GATB: variants seen among roughly 807,000 people sequenced by gnomAD.
GATB encodes glutamyl-tRNA amidotransferase subunit B.
Under a neutral mutation model 62.3 loss-of-function variants are expected in GATB, and 39 were observed. That is an observed-to-expected ratio of 0.63 (90% CI 0.48 to 0.82). The LOEUF (loss-of-function observed/expected upper bound fraction) is 0.82. Ranked by LOEUF, GATB falls within the 40% of genes least tolerant of loss-of-function variation. GATB has a pLI of 0.00. For missense variants in GATB, 670 were observed against 684.0 expected (o/e 0.98, Z 0.23); for synonymous variants, 276 against 258.9 (o/e 1.07, Z -0.63).
intron 9 of GATB, among the ~76,000 whole-genome samples, chr4:151,700,933 G>A (rs1738589389): frequency 6.6e-6 from 1 of 152,146 alleles, no homozygotes; most frequent in Non-Finnish European, 1.5e-5. Context: ...GCAACATCCT[G>A]CCAGCCCTGT....
At position 151,719,512 on chromosome 4, in the gene GATB, C is replaced by G. The variant is rs371026586; in HGVS notation, c.354G>C (p.Ala118=). The G allele has an allele frequency of 1.2e-6, 2 of 1,608,856 alleles. No homozygotes were observed. Among genetic ancestry groups the G allele is most frequent in the African/African-American group, 1.3e-5 (1 of 74,758 alleles). ...LPVLNRRCVE[A]AVMTGLALNC... ...TCAGAGCCAGGCCTGTCATCACCGCCGCTTCTACACACCTCCTGTTGAGAA... is the reference window on the plus strand; with the variant it reads ...TCAGAGCCAGGCCTGTCATCACCGCGGCTTCTACACACCTCCTGTTGAGAA... The change falls in exon 3 of 13, where the codon GCG becomes GCC. Residue 118 remains alanine (A), a synonymous_variant. Transcript: ENST00000263985.
At chr4:151,758,707 A>C in intron 2 of GATB, 65 bp downstream of exon 2, 1 of 1,269,838 alleles carries the variant, frequency 7.9e-7, no homozygotes, top group Non-Finnish European at 1.1e-6. Flanking sequence ...CAAGAAAATA[A>C]TTTTCCATGT....
chr4:151,757,714 T>A (rs1211512836), intron 2 of GATB, among the ~76,000 whole-genome samples: 2 of 152,126 alleles, frequency 1.3e-5, no homozygotes, highest in Non-Finnish European at 2.9e-5. Flanking sequence ...CCTGACCTTG[T>A]GATTCGCCCA....
intron 2 of GATB, chr4:151,722,214 C>T: frequency 1.4e-6 from 1 of 701,534 alleles, no homozygotes; most frequent in Non-Finnish European, 2.6e-6. Context: ...GCTGTCTTCA[C>T]TCTGAAAAAA....
intron 2 of GATB, among the ~76,000 whole-genome samples, chr4:151,736,611 A>G (rs1051259335): frequency 2.0e-5 from 3 of 152,298 alleles, no homozygotes; most frequent in African/African-American, 7.2e-5. Flanking sequence ...GCCCAACTCT[A>G]TTGGCCACTA....
rs150616955 is a variant in GATB, at chr4:151,729,959, G to A, written c.328-10421C>T. Among the ~76,000 whole-genome samples the A allele has an allele frequency of 3.7e-3, 571 of 152,310 alleles. 4 individuals carry two copies. The highest frequency in any genetic ancestry group is 7.8e-3 in the Admixed American group (120 of 15,302). ...TTTTACCTCCAGATCAGCTGCAAGA[G>A]CAGGCCAGCAATCCTGAGAAAACTG... is the stretch of plus-strand genomic sequence containing the variant. On this transcript the variant is annotated intron_variant, in intron 2 of 12. Transcript: ENST00000263985.
At chr4:151,751,631 T>C (rs1233654863) in intron 2 of GATB, among the ~76,000 whole-genome samples, 2 of 152,258 alleles carry the variant, frequency 1.3e-5, no homozygotes, top group African/African-American at 4.8e-5. Context: ...ATATCCAAGT[T>C]ATATCACAGT....
chr4:151,689,075 G>A (rs1451242476), intron 9 of GATB, among the ~76,000 whole-genome samples: 1 of 152,216 alleles, frequency 6.6e-6, no homozygotes, highest in African/African-American at 2.4e-5. Flanking sequence ...CGTGTCTGCT[G>A]TGTGTAACCT....
chr4:151,759,032 A>G (rs1739897358), intron 1 of GATB, 110 bp from the exon 2 acceptor site: 1 of 664,070 alleles, frequency 1.5e-6, no homozygotes, highest in Non-Finnish European at 2.4e-6. Flanking sequence ...TAAACTTAAT[A>G]CAATGTTATA....
chr4:151,716,135 C>A lies in GATB; in HGVS notation c.641-4G>T. The A allele has an allele frequency of 1.2e-6, 2 of 1,612,186 alleles. No homozygotes were observed. The highest frequency in any genetic ancestry group is 1.7e-6 in the Non-Finnish European group (2 of 1,179,168). ...ACCACCTCCAGAAGGCCCACTCCTA[C>A]CAAAGAGGGGCAGAGTCAGCCTCAC... is the stretch of plus-strand genomic sequence containing the variant. On this transcript the variant is annotated splice_region_variant and splice_polypyrimidine_tract_variant and intron_variant, in intron 4 of 12. Coordinates refer to ENST00000263985, the MANE Select transcript of GATB (RefSeq NM_004564.3).
chr4:151,708,168 G>T, intron 5 of GATB, 67 bp from the exon 6 acceptor site: 3 of 1,047,764 alleles, frequency 2.9e-6, no homozygotes, highest in South Asian at 1.3e-5. Context: ...TAAAGGCAGG[G>T]AGTGTCAAAG....
At chr4:151,720,301 A>G (rs1325444984) in intron 2 of GATB, 1 of 152,214 alleles carries the variant, frequency 6.6e-6, no homozygotes, top group East Asian at 1.9e-4. Flanking sequence ...TAATGTAGCC[A>G]AGGAGAAGGA....
At chr4:151,674,915 G>A (rs1241620091) in intron 11 of GATB, 1 of 152,180 alleles carries the variant, frequency 6.6e-6, no homozygotes, top group Non-Finnish European at 1.5e-5. Context: ...AAGTAGGCGG[G>A]GCCCCTCCTG....
intron 2 of GATB, among the ~76,000 whole-genome samples, chr4:151,741,330 G>GT (rs1284946288): frequency 6.6e-6 from 1 of 152,164 alleles, no homozygotes; most frequent in Non-Finnish European, 1.5e-5. Flanking sequence ...GAGTACTATT[G>GT]TATTACAGAT....
At chr4:151,731,104 T>TC (rs1739235929) in intron 2 of GATB, among the ~76,000 whole-genome samples, 1 of 131,768 alleles carries the variant, frequency 7.6e-6, no homozygotes, top group African/African-American at 2.9e-5. Flanking sequence ...CCCCTCCCCT[T>TC]CCCCCTCCCC....
intron 2 of GATB, among the ~76,000 whole-genome samples, chr4:151,735,390 G>A (rs1030862656): frequency 1.7e-4 from 26 of 152,022 alleles, no homozygotes; most frequent in Admixed American, 6.5e-4. Flanking sequence ...ACCACAGTGC[G>A]ATACCACCTT....
chr4:151,696,333 A>T (rs1254856918), intron 9 of GATB, among the ~76,000 whole-genome samples: 1 of 152,222 alleles, frequency 6.6e-6, no homozygotes, highest in East Asian at 1.9e-4. Flanking sequence ...CTTTTAAATG[A>T]ATCTATGTTC....
intron 2 of GATB, among the ~76,000 whole-genome samples, chr4:151,738,340 T>G (rs1739420815): frequency 6.6e-6 from 1 of 152,156 alleles, no homozygotes; most frequent in Middle Eastern, 3.2e-3. Context: ...GTCTTTCCTG[T>G]GCCATTCTCG....
At chr4:151,741,525 A>T (rs76472920) in intron 2 of GATB, among the ~76,000 whole-genome samples, 4 of 152,238 alleles carry the variant, frequency 2.6e-5, no homozygotes, top group Admixed American at 6.5e-5. Flanking sequence ...CAATACTGGC[A>T]GTTTCTTGCT....
Sources: allele counts gnomAD v4.1 joint callset (sites outside exome capture counted in the v4.1 genomes callset), GRCh38; gene constraint gnomAD v4.1.1; transcripts MANE v1.5; gene names NCBI Gene and HGNC (gene_info 2026-07-23, HGNC 2026-07-21).